Variants in FAM227B observed in about 807,000 individuals in gnomAD.
FAM227B encodes the protein family with sequence similarity 227 member B, also known as protein FAM227B.
A neutral mutation model predicts 73.8 loss-of-function variants in FAM227B; 88 were observed. That is an observed-to-expected ratio of 1.19 (90% CI 1.00 to 1.42). The LOEUF is 1.42. Ranked by LOEUF, FAM227B falls within the 40% of genes most tolerant of loss-of-function variation. The pLI is 0.00. For missense variants in FAM227B, 632 were observed against 590.9 expected (o/e 1.07, Z -0.72); for synonymous variants, 210 against 190.5 (o/e 1.10, Z -0.84).
chr15:49,552,237 G>A (rs1007315276), intron 9 of FAM227B, among the ~76,000 whole-genome samples: 8 of 152,146 alleles, frequency 5.3e-5, no homozygotes, highest in African/African-American at 1.4e-4. Flanking sequence ...ATGTTTGAAG[G>A]ATATTTTTGC....
At chr15:49,599,430 C>G (rs2077061843) in intron 3 of FAM227B, among the ~76,000 whole-genome samples, 1 of 151,944 alleles carries the variant, frequency 6.6e-6, no homozygotes, top group East Asian at 1.9e-4. Flanking sequence ...TTTCCAGTCT[C>G]TCCATTTATT....
chr15:49,358,295 T>C (rs1184289542), intron 13 of FAM227B, among the ~76,000 whole-genome samples: 1 of 126,218 alleles, frequency 7.9e-6, no homozygotes, highest in Non-Finnish European at 1.7e-5. Flanking sequence ...GGAAGTCAAA[T>C]TGTCCCTGTT....
chr15:49,587,982 A>G, intron 5 of FAM227B, 34 bp downstream of exon 5: 1 of 1,394,622 alleles, frequency 7.2e-7, no homozygotes, highest in Non-Finnish European at 9.5e-7. Flanking sequence ...TGAAAATCCA[A>G]CTTTCAAGGA....
At chr15:49,401,241 C>T (rs940300013) in intron 11 of FAM227B, among the ~76,000 whole-genome samples, 2 of 152,220 alleles carry the variant, frequency 1.3e-5, no homozygotes, top group African/African-American at 4.8e-5. Context: ...CCAAAAAACA[C>T]ATGAAAAAAT....
chr15:49,357,496 G>C (rs2043369903), intron 13 of FAM227B, among the ~76,000 whole-genome samples: 1 of 152,082 alleles, frequency 6.6e-6, no homozygotes. Context: ...AGAAATAATG[G>C]ATAAATTCCT....
At chr15:49,461,494 C>T (rs1299498256) in intron 11 of FAM227B, among the ~76,000 whole-genome samples, 1 of 152,202 alleles carries the variant, frequency 6.6e-6, no homozygotes, top group Non-Finnish European at 1.5e-5. Flanking sequence ...ATCTGAGAAA[C>T]TGCATATTTC....
At chr15:49,387,078 G>C (rs1596766634) in intron 11 of FAM227B, among the ~76,000 whole-genome samples, 1 of 151,778 alleles carries the variant, frequency 6.6e-6, no homozygotes, top group African/African-American at 2.4e-5. Context: ...CAAAGAATTG[G>C]TACTAATCCT....
intron 11 of FAM227B, among the ~76,000 whole-genome samples, chr15:49,401,186 C>T (rs1252355295): frequency 4.6e-5 from 7 of 152,268 alleles, no homozygotes; most frequent in African/African-American, 7.2e-5. Flanking sequence ...AAAAAGTGGG[C>T]GAAGGACATG....
At chr15:49,420,686 C>T (rs2049547641) in intron 11 of FAM227B, among the ~76,000 whole-genome samples, 1 of 152,032 alleles carries the variant, frequency 6.6e-6, no homozygotes, top group Non-Finnish European at 1.5e-5. Flanking sequence ...TTATATTATA[C>T]ATGATTATGA....
At chr15:49,401,361 G>T (rs1474847087) in intron 11 of FAM227B, among the ~76,000 whole-genome samples, 7 of 152,174 alleles carry the variant, frequency 4.6e-5, no homozygotes, top group African/African-American at 1.4e-4. Context: ...ACAGGTGCTG[G>T]AGAGGATGTG....
intron 11 of FAM227B, among the ~76,000 whole-genome samples, chr15:49,382,305 G>A (rs1189876323): frequency 6.6e-6 from 1 of 152,022 alleles, no homozygotes; most frequent in Non-Finnish European, 1.5e-5. Context: ...CATTAGGGAA[G>A]AGTAACATAA....
intron 11 of FAM227B, among the ~76,000 whole-genome samples, chr15:49,450,072 A>G (rs1230571439): frequency 6.6e-6 from 1 of 152,156 alleles, no homozygotes; most frequent in Non-Finnish European, 1.5e-5. Context: ...GTATAAATCC[A>G]TAAGACTGAG....
At chr15:49,613,021 T>G (rs974591076) in intron 2 of FAM227B, among the ~76,000 whole-genome samples, 2 of 151,320 alleles carry the variant, frequency 1.3e-5, no homozygotes, top group African/African-American at 4.9e-5. Flanking sequence ...TAGTGGGAAG[T>G]GAGGGGAAAG....
chr15:49,534,068 C>T (rs958174911), intron 10 of FAM227B, among the ~76,000 whole-genome samples: 22 of 151,720 alleles, frequency 1.5e-4, no homozygotes, highest in Admixed American at 1.3e-4. Context: ...TACCATGTGA[C>T]TTACATAAAT....
In FAM227B at chr15:49,362,178, C is replaced by A. The variant is rs149546610; in HGVS notation, c.1271+5270G>T. On this transcript the variant is annotated intron_variant, in intron 13 of 15. Transcript: ENST00000299338. Reference sequence around the variant, plus strand: ...CCCAAATCTCATGTTGAATTGTAATCCCCATGTGTTGGGGGAGGGTCCTGG... The same window carrying A: ...CCCAAATCTCATGTTGAATTGTAATACCCATGTGTTGGGGGAGGGTCCTGG... Among the ~76,000 whole-genome samples the A allele has an allele frequency of 1.9e-3, 290 of 152,162 alleles. 3 individuals carry two copies. Among genetic ancestry groups the A allele is most frequent in the Middle Eastern group, 0.014 (4 of 294 alleles).
intron 3 of FAM227B, among the ~76,000 whole-genome samples, chr15:49,609,068 C>A (rs2077714971): frequency 6.6e-6 from 1 of 151,744 alleles, no homozygotes; most frequent in Non-Finnish European, 1.5e-5. Flanking sequence ...AGAAAAATAT[C>A]TGGCAAATAG....
chr15:49,373,869 TGATA>T (rs985586887), intron 11 of FAM227B, among the ~76,000 whole-genome samples: 2 of 152,168 alleles, frequency 1.3e-5, no homozygotes, highest in East Asian at 1.9e-4. Flanking sequence ...AAAGTATTGC[TGATA>T]GATACACTTT....
At position 49,617,229 on chromosome 15, in the gene FAM227B, TA is replaced by T. The variant is rs150762248; in HGVS notation, c.-72-1987del. On this transcript the variant is annotated intron_variant, in intron 1 of 15. Transcript: ENST00000299338. Reference sequence around the variant, plus strand: ...CTAATTGTGAAATAAAAAATATTTTTAAAAAATGGAAATCCAAACAAGTGAC... The same window carrying T: ...CTAATTGTGAAATAAAAAATATTTTTAAAAATGGAAATCCAAACAAGTGAC... 8.0e-3 allele frequency among the ~76,000 whole-genome samples: 1,214 copies of T among 152,174 alleles called. 19 individuals are homozygous for T. The highest frequency in any genetic ancestry group is 0.028 in the African/African-American group (1,176 of 41,520).
At chr15:49,528,246 G>GAGAA (rs1229602203) in intron 10 of FAM227B, among the ~76,000 whole-genome samples, 2 of 151,802 alleles carry the variant, frequency 1.3e-5, no homozygotes, top group Non-Finnish European at 3.0e-5. Flanking sequence ...GTAAACAATA[G>GAGAA]AGAAAGAACA....
Sources: gnomAD v4.1 joint callset for allele counts (sites outside exome capture counted in the v4.1 genomes callset) on GRCh38, gnomAD v4.1.1 for gene constraint, MANE v1.5 for transcripts, NCBI Gene and HGNC (gene_info 2026-07-23, HGNC 2026-07-21) for gene names.